NOC3L: variants seen among roughly 807,000 people sequenced by gnomAD.
NOC3L encodes NOC3 like DNA replication regulator.
In NOC3L, 85 loss-of-function variants were observed where a neutral mutation model predicts 102.5. The ratio of observed to expected loss-of-function variants is 0.83; its 90% confidence interval spans 0.70 to 0.99. The LOEUF (loss-of-function observed/expected upper bound fraction) is 0.99, where lower values mean the gene tolerates loss of function less well. Among genes scored for constraint, NOC3L ranks in the 50% least tolerant of loss-of-function variants. The pLI is 0.00. For missense variants in NOC3L, 878 were observed against 914.9 expected (o/e 0.96, Z 0.52); for synonymous variants, 303 against 309.4 (o/e 0.98, Z 0.22).
intron 19 of NOC3L, among the ~76,000 whole-genome samples, chr10:94,336,354 GTT>G (rs796077651): frequency 1.4e-5 from 2 of 144,746 alleles, no homozygotes; most frequent in Admixed American, 6.9e-5. Flanking sequence ...ATAAATTTCT[GTT>G]TTTTTTTTTT....
chr10:94,359,352 G>A (rs758886586), intron 2 of NOC3L, among the ~76,000 whole-genome samples: 2 of 151,974 alleles, frequency 1.3e-5, no homozygotes, highest in Admixed American at 6.6e-5. Context: ...CTTGAATCCC[G>A]TAGGCAGAGA....
At chr10:94,340,384 T>C (rs748966048) in intron 15 of NOC3L, 37 bp from the exon 16 acceptor site, 4 of 1,609,738 alleles carry the variant, frequency 2.5e-6, no homozygotes, top group South Asian at 1.1e-5. Flanking sequence ...AGGTATGTTA[T>C]AGCATTCAAA....
the NOC3L span, among the ~76,000 whole-genome samples, chr10:94,325,914 C>T: frequency 2.6e-5 from 4 of 152,246 alleles, no homozygotes; most frequent in Middle Eastern, 6.8e-3. Context: ...AAAAATCTGG[C>T]ATCCGGGATG....
chr10:94,355,235 TACA>T (rs2054469783), intron 5 of NOC3L, 142 bp from the exon 6 acceptor site: 1 of 599,468 alleles, frequency 1.7e-6, no homozygotes, highest in African/African-American at 1.9e-5. Context: ...TCCTCAACAA[TACA>T]GGTACTATCA....
intron 8 of NOC3L, among the ~76,000 whole-genome samples, chr10:94,351,093 GC>G (rs1238829402): frequency 2.0e-5 from 3 of 151,980 alleles, no homozygotes; most frequent in Non-Finnish European, 4.4e-5. Flanking sequence ...AGAGATGGTT[GC>G]ACAAAGATCC....
At chr10:94,350,740 A>T (rs2054406177) in intron 8 of NOC3L, among the ~76,000 whole-genome samples, 1 of 151,426 alleles carries the variant, frequency 6.6e-6, no homozygotes, top group African/African-American at 2.4e-5. Context: ...AAAAAGAAGA[A>T]GAAAAAAAGA....
intron 12 of NOC3L, 101 bp downstream of exon 12, chr10:94,344,752 G>GA (rs2054324029): frequency 1.9e-6 from 2 of 1,036,230 alleles, no homozygotes; most frequent in Non-Finnish European, 2.8e-6. Flanking sequence ...TAAGCCTCAT[G>GA]AAAGAAACCA....
At chr10:94,327,142 CAG>C in the NOC3L span, among the ~76,000 whole-genome samples, 1 of 152,128 alleles carries the variant, frequency 6.6e-6, no homozygotes. Context: ...AGCCTAGCGA[CAG>C]AGCGAGACTC....
chr10:94,340,848 G>A (rs1469223686), intron 14 of NOC3L, among the ~76,000 whole-genome samples: 1 of 152,032 alleles, frequency 6.6e-6, no homozygotes, highest in East Asian at 1.9e-4. Context: ...GGGCATGGTG[G>A]TGGGCGCCTG....
At chr10:94,339,294 A>C (rs916051236) in intron 17 of NOC3L, among the ~76,000 whole-genome samples, 1 of 152,202 alleles carries the variant, frequency 6.6e-6, no homozygotes, top group African/African-American at 2.4e-5. Context: ...TATAACTGGA[A>C]GGCACATAGT....
the NOC3L span, among the ~76,000 whole-genome samples, chr10:94,323,488 C>T: frequency 2.6e-5 from 4 of 152,160 alleles, no homozygotes; most frequent in African/African-American, 9.7e-5. Context: ...ATGCCCCTAC[C>T]ATATCTGATT....
chr10:94,316,830 C>A, the NOC3L span: 1 of 1,105,462 alleles, frequency 9.0e-7, no homozygotes. Flanking sequence ...CACAACCTCC[C>A]TGAAATTCAG....
chr10:94,357,332 C>T lies in NOC3L; in HGVS notation c.351-1G>A. On this transcript the variant is annotated splice_acceptor_variant, in intron 3 of 20. Transcript: ENST00000371361. LOFTEE classifies it high-confidence loss of function. ...CCGTTTCTTCGCATGAACAGGCTCA[C>T]TGCAGGGGAAAAAAAGATCAATTTT... 1 of 1,568,514 alleles carries T rather than the reference C, an allele frequency of 6.4e-7. No homozygotes were observed.
At chr10:94,340,172 T>G in intron 16 of NOC3L, 104 bp downstream of exon 16, 1 of 997,892 alleles carries the variant, frequency 1.0e-6, no homozygotes, top group Non-Finnish European at 1.5e-6. Context: ...AAAGTCACCA[T>G]TTTATGTACC....
chr10:94,321,969 C>T, the NOC3L span: 2 of 1,613,904 alleles, frequency 1.2e-6, no homozygotes, highest in Admixed American at 1.7e-5. Context: ...AGGAGAGTTT[C>T]TTTGTCCAAG....
At chr10:94,358,428 C>A (rs1339259743) in intron 2 of NOC3L, among the ~76,000 whole-genome samples, 2 of 152,202 alleles carry the variant, frequency 1.3e-5, no homozygotes, top group African/African-American at 2.4e-5. Flanking sequence ...ATATGCTAGG[C>A]AAACAATTCT....
At chr10:94,355,966 G>A (rs915324012) in intron 5 of NOC3L, among the ~76,000 whole-genome samples, 1 of 152,128 alleles carries the variant, frequency 6.6e-6, no homozygotes, top group Non-Finnish European at 1.5e-5. Context: ...CAGTTGACCT[G>A]TAATTCATTT....
Position 94,362,865 on chromosome 10 carries a change from A to G in NOC3L, c.-27T>C, listed in dbSNP as rs376880215. The G allele has an allele frequency of 6.2e-6, 10 of 1,614,010 alleles. No individual in the cohort carries two copies. The African/African-American group carries it at 1.2e-4, about 19-fold the overall frequency. On this transcript the variant is annotated 5_prime_UTR_variant, in exon 1 of 21. Transcript: ENST00000371361. ...CTTAGGCCTTAAATGAATGCCGGCC[A>G]GACAAGTTCACCAGAAGCAGGGTTA...
chr10:94,348,893 A>G (rs1038485171), intron 10 of NOC3L, among the ~76,000 whole-genome samples: 1 of 152,182 alleles, frequency 6.6e-6, no homozygotes, highest in African/African-American at 2.4e-5. Context: ...CTGTTCAACA[A>G]TTAGGGCACA....
Sources: gnomAD v4.1 joint callset for allele counts (sites outside exome capture counted in the v4.1 genomes callset) on GRCh38, gnomAD v4.1.1 for gene constraint, MANE v1.5 for transcripts, NCBI Gene and HGNC (gene_info 2026-07-23, HGNC 2026-07-21) for gene names.